COL11A1: variants seen among roughly 807,000 people sequenced by gnomAD.
COL11A1 encodes collagen type XI alpha 1 chain.
In COL11A1, 74 loss-of-function variants were observed where a neutral mutation model predicts 265.2. The ratio of observed to expected loss-of-function variants is 0.28; its 90% CI spans 0.23 to 0.34. COL11A1 has a LOEUF of 0.34. COL11A1 is among the 10% of genes least tolerant of loss of function. COL11A1 has a pLI of 1.00. For missense variants in COL11A1, 2,165 were observed against 2,263.6 expected (o/e 0.96, Z 0.88); for synonymous variants, 816 against 727.6 (o/e 1.12, Z -1.96).
chr1:102,988,201 C>T (rs114056305), intron 29 of COL11A1, among the ~76,000 whole-genome samples: 1,841 of 152,218 alleles, frequency 0.012, 46 homozygotes, highest in African/African-American at 0.042. Flanking sequence ...ACCCATGATT[C>T]GTGATTTAAC....
intron 54 of COL11A1, among the ~76,000 whole-genome samples, chr1:102,903,591 T>C (rs779554861): frequency 6.6e-6 from 1 of 152,204 alleles, no homozygotes; most frequent in Non-Finnish European, 1.5e-5. Flanking sequence ...GGCAAATCTG[T>C]ATTCAACCAA....
chr1:102,987,668 C>T lies in COL11A1; in HGVS notation c.2467G>A (p.Gly823Arg). ...EGPKGRAGPTGDPGPSGQAGE... is the reference protein window; with the variant it reads ...EGPKGRAGPTRDPGPSGQAGE... ...GCTTGACCTGAAGGACCTGGGTCTCCAGTTGGGCCTGCTCGACCTTTGGGT... is the reference window on the plus strand; with the variant it reads ...GCTTGACCTGAAGGACCTGGGTCTCTAGTTGGGCCTGCTCGACCTTTGGGT... The change falls in exon 30 of 67, where the codon GGA (glycine) becomes AGA (arginine). Residue 823 changes from glycine to arginine, a missense_variant. Gly to Arg is a moderately radical substitution (Grantham distance 125, BLOSUM62 -2). Coordinates refer to ENST00000370096, the MANE Select transcript of COL11A1 (RefSeq NM_001854.4). The T allele has an allele frequency of 6.2e-7, 1 of 1,613,540 alleles. No homozygotes were observed. The highest frequency in any genetic ancestry group is 8.5e-7 in the Non-Finnish European group (1 of 1,179,698).
At position 102,881,707 on chromosome 1, in the gene COL11A1, C is replaced by T; in HGVS notation, c.5030G>A (p.Arg1677Lys). The change falls in exon 65 of 67, where the codon AGG becomes AAG. Residue 1677 changes from arginine (R) to lysine (K), a missense_variant. Arg to Lys is a conservative substitution (Grantham distance 26). Coordinates refer to ENST00000370096, the MANE Select transcript of COL11A1 (RefSeq NM_001854.4). ...KPGSWFSEFK[R>K]GKLLSYLDVE... Reference sequence around the variant, plus strand: ...GAGGTAATAACATACCAGTTTTCCCCTCTTAAATTCACTAAACCAACTTCC... The same window carrying T: ...GAGGTAATAACATACCAGTTTTCCCTTCTTAAATTCACTAAACCAACTTCC... 1 of 1,612,116 alleles carries T rather than the reference C, an allele frequency of 6.2e-7. No individual in the cohort carries two copies. Among genetic ancestry groups the T allele is most frequent in the Non-Finnish European group, 8.5e-7 (1 of 1,178,726 alleles).
rs201557468 is a variant in COL11A1 at position 103,074,704 on chromosome 1, G to A, written c.565C>T (p.Pro189Ser). 7 of 1,613,150 alleles carry A rather than the reference G, an allele frequency of 4.3e-6. No homozygotes were observed. The African/African-American group carries it at 8.0e-5, about 18-fold the overall frequency. Residue 189 changes from proline (P) to serine (S), a missense_variant, in exon 4 of 67, where the codon CCA becomes TCA. Coordinates refer to ENST00000370096, the MANE Select transcript of COL11A1 (RefSeq NM_001854.4). ...IVDCKKKTTKPLDRSERAIVD... is the reference protein window; with the variant it reads ...IVDCKKKTTKSLDRSERAIVD... The stretch of plus-strand genomic sequence containing the variant: ...ATTGCTCTCTCACTTCTATCAAGTG[G>A]TTTCGTGGTTTTCTTCTTACAATCA...
chr1:102,972,626 A>G (rs1176882435), intron 36 of COL11A1, among the ~76,000 whole-genome samples: 1 of 152,186 alleles, frequency 6.6e-6, no homozygotes, highest in African/African-American at 2.4e-5. Context: ...ATCTATGTAA[A>G]AGTAATAATT....
At chr1:102,991,377 T>C (rs937805609) in intron 28 of COL11A1, among the ~76,000 whole-genome samples, 7 of 152,146 alleles carry the variant, frequency 4.6e-5, no homozygotes, top group Non-Finnish European at 7.4e-5. Context: ...ACATCAATTT[T>C]TACTTTAAAA....
chr1:102,971,848 C>T (rs1328229123), intron 36 of COL11A1, among the ~76,000 whole-genome samples: 2 of 152,032 alleles, frequency 1.3e-5, no homozygotes, highest in Admixed American at 1.3e-4. Flanking sequence ...TCCAGGGCTA[C>T]TACTGCCATC....
intron 15 of COL11A1, among the ~76,000 whole-genome samples, chr1:103,008,013 T>C (rs1665782555): frequency 6.6e-6 from 1 of 152,160 alleles, no homozygotes; most frequent in Non-Finnish European, 1.5e-5. Context: ...AAAATAATCC[T>C]TCCTTTGATA....
chr1:103,097,566 G>T (rs1360647506), intron 1 of COL11A1, among the ~76,000 whole-genome samples: 1 of 151,848 alleles, frequency 6.6e-6, no homozygotes, highest in Admixed American at 6.6e-5. Flanking sequence ...ATATTTACTT[G>T]TACCACTATT....
At chr1:103,039,427 G>T (rs1668635151) in intron 4 of COL11A1, among the ~76,000 whole-genome samples, 1 of 152,074 alleles carries the variant, frequency 6.6e-6, no homozygotes, top group Non-Finnish European at 1.5e-5. Flanking sequence ...TGGAGACAGG[G>T]TCTTTAAGAA....
intron 41 of COL11A1, among the ~76,000 whole-genome samples, chr1:102,951,153 G>C (rs919959828): frequency 5.9e-5 from 9 of 151,992 alleles, no homozygotes; most frequent in African/African-American, 2.2e-4. Context: ...CCAAAAAATT[G>C]TATTTTCCTG....
chr1:102,979,531 C>G, intron 31 of COL11A1, 96 bp from the exon 32 acceptor site: 1 of 811,672 alleles, frequency 1.2e-6, no homozygotes, highest in South Asian at 1.4e-5. Flanking sequence ...TTTCACACAG[C>G]TGTTAATATT....
At chr1:102,886,084 T>A (rs1174447116) in intron 63 of COL11A1, among the ~76,000 whole-genome samples, 8 of 152,266 alleles carry the variant, frequency 5.3e-5, no homozygotes, top group East Asian at 3.9e-4. Flanking sequence ...GACAAAATAG[T>A]TCAACATGCA....
At chr1:103,037,442 C>A (rs1196185919) in intron 4 of COL11A1, among the ~76,000 whole-genome samples, 2 of 152,072 alleles carry the variant, frequency 1.3e-5, no homozygotes, top group African/African-American at 4.8e-5. Flanking sequence ...TAGTTCTCAG[C>A]CTGAGCATCC....
At chr1:102,989,352 A>G (rs1006684625) in intron 29 of COL11A1, among the ~76,000 whole-genome samples, 166 bp downstream of exon 29, 4 of 152,068 alleles carry the variant, frequency 2.6e-5, no homozygotes, top group Admixed American at 6.6e-5. Context: ...TATCTCCACA[A>G]AAATTAAAAT....
intron 28 of COL11A1, among the ~76,000 whole-genome samples, chr1:102,990,926 G>A (rs974170415): frequency 3.9e-5 from 6 of 151,964 alleles, no homozygotes; most frequent in Middle Eastern, 3.2e-3. Flanking sequence ...CCAGCTACTC[G>A]GGAGGCTGAG....
At chr1:102,916,923 T>C (rs1655406286) in intron 49 of COL11A1, among the ~76,000 whole-genome samples, 1 of 151,944 alleles carries the variant, frequency 6.6e-6, no homozygotes, top group Non-Finnish European at 1.5e-5. Flanking sequence ...GATATTCATA[T>C]CTTAAAAATG....
At chr1:103,081,448 A>G (rs991684206) in intron 2 of COL11A1, among the ~76,000 whole-genome samples, 4 of 151,876 alleles carry the variant, frequency 2.6e-5, no homozygotes, top group African/African-American at 7.2e-5. Context: ...TATTTTTAAA[A>G]TGTTTTATGG....
At chr1:102,884,066 TG>T (rs1570621164) in intron 63 of COL11A1, among the ~76,000 whole-genome samples, 2 of 152,214 alleles carry the variant, frequency 1.3e-5, no homozygotes, top group East Asian at 3.9e-4. Flanking sequence ...GAGCCAAAAG[TG>T]ATATACATGT....
Sources: gnomAD v4.1 joint callset for allele counts (sites outside exome capture counted in the v4.1 genomes callset) on GRCh38, gnomAD v4.1.1 for gene constraint, MANE v1.5 for transcripts, NCBI Gene and HGNC (gene_info 2026-07-23, HGNC 2026-07-21) for gene names.